Variants in FUT9 observed in about 807,000 individuals in gnomAD.
FUT9 encodes 4-galactosyl-N-acetylglucosaminide 3-alpha-L-fucosyltransferase 9.
Under a neutral mutation model 29.7 loss-of-function variants are expected in FUT9, and 15 were observed. That is an observed-to-expected ratio of 0.51 (90% confidence interval 0.34 to 0.78). The LOEUF (loss-of-function observed/expected upper bound fraction) is 0.78, where lower values mean the gene tolerates loss of function less well. FUT9 is among the 30% of genes least tolerant of loss of function. FUT9 has a pLI of 0.01. For synonymous variants in FUT9, 169 were observed against 153.7 expected (o/e 1.10, Z -0.74); for missense variants, 319 against 425.4 (o/e 0.75, Z 2.20).
chr6:96,062,128 G>A (rs531169870), intron 1 of FUT9, among the ~76,000 whole-genome samples: 16 of 151,890 alleles, frequency 1.1e-4, no homozygotes, highest in Non-Finnish European at 1.5e-4. Context: ...ACCATGGCAC[G>A]TATATACCTA....
intron 2 of FUT9, among the ~76,000 whole-genome samples, chr6:96,202,044 T>C (rs4240603): frequency 0.15 from 23,017 of 151,912 alleles, 2,253 homozygotes; most frequent in Middle Eastern, 0.25. Flanking sequence ...TCAAAATACT[T>C]TAATGAGTCT....
At chr6:96,182,298 T>C (rs965269872) in intron 2 of FUT9, among the ~76,000 whole-genome samples, 10 of 152,108 alleles carry the variant, frequency 6.6e-5, no homozygotes, top group African/African-American at 2.4e-4. Context: ...TTTGTTTGAG[T>C]TCATCTTAGA....
At chr6:96,107,572 T>C (rs1441349922) in intron 1 of FUT9, among the ~76,000 whole-genome samples, 1 of 152,180 alleles carries the variant, frequency 6.6e-6, no homozygotes. Flanking sequence ...GAAATACATG[T>C]TGAAAATATT....
chr6:96,133,112 C>T (rs2127970003), intron 2 of FUT9, among the ~76,000 whole-genome samples: 2 of 151,884 alleles, frequency 1.3e-5, no homozygotes, highest in South Asian at 4.1e-4. Flanking sequence ...CTGGAGTCCC[C>T]AGGGCACTTT....
chr6:96,154,299 T>C (rs1772735009), intron 2 of FUT9, among the ~76,000 whole-genome samples: 1 of 152,202 alleles, frequency 6.6e-6, no homozygotes, highest in Non-Finnish European at 1.5e-5. Context: ...TTTTTAGTTC[T>C]TCTTATTCCC....
At chr6:96,137,615 G>A (rs1197867281) in intron 2 of FUT9, among the ~76,000 whole-genome samples, 7 of 151,968 alleles carry the variant, frequency 4.6e-5, no homozygotes, top group Non-Finnish European at 7.4e-5. Flanking sequence ...TGTATTAACA[G>A]CCAATAATAA....
intron 1 of FUT9, among the ~76,000 whole-genome samples, chr6:96,019,238 AATAG>A (rs1310052072): frequency 1.3e-5 from 2 of 152,150 alleles, no homozygotes; most frequent in South Asian, 2.1e-4. Context: ...AAATTATAAT[AATAG>A]ATAAAGAGCT....
intron 1 of FUT9, among the ~76,000 whole-genome samples, chr6:96,098,798 A>G (rs1771542189): frequency 6.6e-6 from 1 of 152,110 alleles, no homozygotes; most frequent in African/African-American, 2.4e-5. Context: ...TATTCATCCT[A>G]TCCACAAGGA....
chr6:96,173,332 T>A lies in FUT9; in HGVS notation c.-8-29816T>A, dbSNP rs570570064. Among the ~76,000 whole-genome samples the A allele has an allele frequency of 5.3e-5, 8 of 152,270 alleles. No individual in the cohort carries two copies. The East Asian group carries it at 1.5e-3, about 29-fold the overall frequency. On this transcript the variant is annotated intron_variant, in intron 2 of 2. Coordinates refer to ENST00000302103, the MANE Select transcript of FUT9 (RefSeq NM_006581.4). ...TGTCTTGTTTACTTTCTTGTGTTTA[T>A]TTTGTCTGCCATTCTCCACTAAAAT...
intron 1 of FUT9, among the ~76,000 whole-genome samples, chr6:96,048,434 A>G (rs907243118): frequency 3.9e-5 from 6 of 152,290 alleles, no homozygotes; most frequent in South Asian, 2.1e-4. Context: ...CTGTTACTCA[A>G]TGGGAAGTGT....
intron 1 of FUT9, among the ~76,000 whole-genome samples, chr6:96,087,616 C>T (rs775995925): frequency 2.8e-4 from 42 of 152,168 alleles, no homozygotes; most frequent in Admixed American, 9.8e-4. Context: ...CCGCCCACCT[C>T]GGCCTCCCAA....
chr6:96,175,407 T>G (rs891005276), intron 2 of FUT9, among the ~76,000 whole-genome samples: 1 of 152,302 alleles, frequency 6.6e-6, no homozygotes, highest in East Asian at 1.9e-4. Context: ...CTACATTGTC[T>G]GCTAATAAAT....
At chr6:96,077,154 T>C (rs770196633) in intron 1 of FUT9, among the ~76,000 whole-genome samples, 1 of 152,190 alleles carries the variant, frequency 6.6e-6, no homozygotes, top group African/African-American at 2.4e-5. Context: ...TGTGACTTCA[T>C]TAATCAATGC....
At chr6:96,049,620 A>C (rs1247441275) in intron 1 of FUT9, among the ~76,000 whole-genome samples, 1 of 152,214 alleles carries the variant, frequency 6.6e-6, no homozygotes, top group African/African-American at 2.4e-5. Flanking sequence ...TAAATGAGAG[A>C]TCTACCAGAC....
At chr6:96,144,249 G>A (rs879677912) in intron 2 of FUT9, among the ~76,000 whole-genome samples, 4 of 151,920 alleles carry the variant, frequency 2.6e-5, no homozygotes, top group Admixed American at 2.0e-4. Context: ...TTAGTTGAAC[G>A]AATGATGGTA....
intron 2 of FUT9, among the ~76,000 whole-genome samples, chr6:96,150,356 T>C (rs917300653): frequency 6.6e-6 from 1 of 152,084 alleles, no homozygotes; most frequent in East Asian, 1.9e-4. Flanking sequence ...GAATCCAGCA[T>C]TCCGAGGAAA....
At chr6:96,062,934 C>G (rs1460598487) in intron 1 of FUT9, among the ~76,000 whole-genome samples, 1 of 152,006 alleles carries the variant, frequency 6.6e-6, no homozygotes, top group East Asian at 1.9e-4. Flanking sequence ...AAGTAGCTGG[C>G]CTATAATCCA....
At chr6:96,096,538 A>C (rs12200614) in intron 1 of FUT9, among the ~76,000 whole-genome samples, 27,689 of 151,906 alleles carry the variant, frequency 0.18, 2,715 homozygotes, top group Non-Finnish European at 0.22. Context: ...CCCTTAATCT[A>C]TCTAATCTTG....
At chr6:96,071,673 C>T (rs6926649) in intron 1 of FUT9, among the ~76,000 whole-genome samples, 4,136 of 152,286 alleles carry the variant, frequency 0.027, 209 homozygotes, top group African/African-American at 0.094. Context: ...AGGAGCAAGA[C>T]TCACGGCATT....
Sources: allele counts gnomAD v4.1 joint callset (sites outside exome capture counted in the v4.1 genomes callset), GRCh38; gene constraint gnomAD v4.1.1; transcripts MANE v1.5; gene names NCBI Gene and HGNC (gene_info 2026-07-23, HGNC 2026-07-21).